Variants in ZNF280C observed in about 807,000 individuals in gnomAD.
ZNF280C encodes zinc finger protein 280C.
In ZNF280C, 14 loss-of-function variants were observed where a neutral mutation model predicts 53.6. That is an observed-to-expected ratio of 0.26 (90% CI 0.17 to 0.41). The LOEUF is 0.41. Ranked by LOEUF, ZNF280C falls within the 10% of genes least tolerant of loss-of-function variation. The pLI is 1.00. For synonymous variants in ZNF280C, 203 were observed against 181.1 expected, an observed-to-expected ratio of 1.12 and a Z score of -0.97; for missense variants, 416 against 547.1, an observed-to-expected ratio of 0.76 and a Z score of 2.39.
chrX:130,242,617 G>A (rs1302298662), intron 5 of ZNF280C, among the ~76,000 whole-genome samples: 1 of 112,003 alleles, frequency 8.9e-6, no homozygotes, highest in East Asian at 2.8e-4. Context: ...TCGGCTCACT[G>A]CAACCTCTGC....
chrX:130,222,642 T>C (rs2032180324), intron 12 of ZNF280C, among the ~76,000 whole-genome samples: 1 of 112,409 alleles, frequency 8.9e-6, no homozygotes. Context: ...TATGCTTGCA[T>C]TGTGCTAATG....
intron 16 of ZNF280C, among the ~76,000 whole-genome samples, chrX:130,206,237 A>G (rs1368001767): frequency 9.0e-6 from 1 of 111,478 alleles, no homozygotes; most frequent in African/African-American, 3.3e-5. Flanking sequence ...TGAAGGTTTT[A>G]AAATCCTGTA....
chrX:130,224,122 G>A (rs2124701855), intron 12 of ZNF280C, among the ~76,000 whole-genome samples: 1 of 111,902 alleles, frequency 8.9e-6, no homozygotes, highest in East Asian at 2.8e-4. Flanking sequence ...CAATGTAATA[G>A]TATTGGGAGG....
intron 2 of ZNF280C, among the ~76,000 whole-genome samples, chrX:130,252,090 G>C (rs981234556): frequency 4.5e-5 from 5 of 112,094 alleles, no homozygotes; most frequent in African/African-American, 1.6e-4. Context: ...CTACAGCCTG[G>C]GTGGCAGAAT....
At chrX:130,227,085 T>G (rs895718250) in intron 11 of ZNF280C, among the ~76,000 whole-genome samples, 180 bp from the exon 12 acceptor site, 1 of 111,788 alleles carries the variant, frequency 8.9e-6, no homozygotes, top group Middle Eastern at 4.6e-3. Flanking sequence ...GAAAGATATC[T>G]TTCAAAGTTT....
At chrX:130,235,596 CATA>C (rs777210747) in intron 8 of ZNF280C, among the ~76,000 whole-genome samples, 3 of 112,177 alleles carry the variant, frequency 2.7e-5, no homozygotes, top group South Asian at 7.3e-4. Context: ...TAAATTGATA[CATA>C]ATGTTTATAA....
At position 130,246,991 on chromosome X, in the gene ZNF280C, C is replaced by T; in HGVS notation, c.46G>A (p.Ala16Thr). ...TCTTCACATTCCATAAAGAGTTCTG[C>T]CATTTTTGAAATGTCTAATTTTCAA... ...PFQPKNISKM[A>T]ELFMECEEEE... The change falls in exon 3 of 19, where the codon GCA (alanine) becomes ACA (threonine). Residue 16 changes from alanine (A) to threonine (T), a missense_variant. Around this residue, in one of 3 missense-constraint regions of ZNF280C, gnomAD observed 193 missense variants for 201.4 expected, o/e 0.96. Transcript: ENST00000370978. The T allele has an allele frequency of 1.4e-5, 17 of 1,198,372 alleles. No homozygotes were observed. The highest frequency in any genetic ancestry group is 1.9e-5 in the Non-Finnish European group (17 of 891,933).
intron 14 of ZNF280C, 123 bp from the exon 15 acceptor site, chrX:130,215,456 T>C: frequency 1.4e-6 from 1 of 706,160 alleles, no homozygotes; most frequent in South Asian, 4.0e-5. Context: ...AGTAGACTCA[T>C]AATTTCAAAA....
At chrX:130,212,219 G>A (rs2032048110) in intron 15 of ZNF280C, among the ~76,000 whole-genome samples, 1 of 111,807 alleles carries the variant, frequency 8.9e-6, no homozygotes, top group South Asian at 3.7e-4. Context: ...GAGCTTAAAG[G>A]GTATTGAAGT....
At chrX:130,230,772 A>T (rs1469689327) in intron 8 of ZNF280C, 45 bp from the exon 9 acceptor site, 22 of 863,260 alleles carry the variant, frequency 2.5e-5, no homozygotes, top group Middle Eastern at 5.7e-4. Flanking sequence ...GCTCTTTTAA[A>T]GATTAGATAC....
At chrX:130,249,473 A>T (rs998554637) in intron 2 of ZNF280C, among the ~76,000 whole-genome samples, 11 of 111,952 alleles carry the variant, frequency 9.8e-5, no homozygotes, top group African/African-American at 3.6e-4. Context: ...GTGAGTTCCT[A>T]ACCTTGAGAA....
chrX:130,260,375 C>T lies in ZNF280C; in HGVS notation c.31+44G>A, dbSNP rs372057186. 1,001 of 1,140,854 alleles carry T rather than the reference C, an allele frequency of 8.8e-4. 1 individual carries two copies. The highest frequency in any genetic ancestry group is 1.1e-3 in the Non-Finnish European group (954 of 848,335). 94.0% of individuals were successfully genotyped at this position (1,140,854 alleles called of 1,213,427 possible). ...CTTTTCTTTTGAAAGGTTTACAGTA[C>T]AAAAACCATGCCTATTAGTATCAAC... On this transcript the variant is annotated intron_variant, in intron 2 of 18. Coordinates refer to ENST00000370978, the MANE Select transcript of ZNF280C (RefSeq NM_017666.5).
chrX:130,225,487 T>C (rs1440760267), intron 12 of ZNF280C, among the ~76,000 whole-genome samples: 1 of 111,486 alleles, frequency 9.0e-6, no homozygotes, highest in Non-Finnish European at 1.9e-5. Flanking sequence ...AAAAGTCTTG[T>C]TGTTAAAAAT....
intron 3 of ZNF280C, among the ~76,000 whole-genome samples, 155 bp downstream of exon 3, chrX:130,246,704 G>A (rs976219969): frequency 1.8e-5 from 2 of 111,611 alleles, no homozygotes; most frequent in African/African-American, 3.3e-5. Context: ...CTACATTCCC[G>A]CTTTGATTCT....
intron 6 of ZNF280C, among the ~76,000 whole-genome samples, chrX:130,238,315 G>A (rs2032354624): frequency 9.0e-6 from 1 of 111,468 alleles, no homozygotes; most frequent in Non-Finnish European, 1.9e-5. Context: ...GATAAAGAGA[G>A]CAAGAATTAA....
At chrX:130,233,096 A>AT (rs2032295003) in intron 8 of ZNF280C, among the ~76,000 whole-genome samples, 1 of 112,002 alleles carries the variant, frequency 8.9e-6, no homozygotes, top group Non-Finnish European at 1.9e-5. Flanking sequence ...AAAATAAGAC[A>AT]GTCACAGACA....
chrX:130,209,272 A>G (rs2032015524), intron 16 of ZNF280C, among the ~76,000 whole-genome samples: 2 of 112,269 alleles, frequency 1.8e-5, no homozygotes, highest in Admixed American at 9.5e-5. Context: ...AACCAATGGT[A>G]ATTATCAATG....
At chrX:130,216,837 A>T (rs192619226) in intron 13 of ZNF280C, among the ~76,000 whole-genome samples, 2,395 of 110,607 alleles carry the variant, frequency 0.022, 72 homozygotes, top group African/African-American at 0.074. Context: ...CATTTCTTTT[A>T]AAAATACAAA....
rs780714880 is a variant in ZNF280C at position 130,259,235 on chromosome X, T to C, written c.31+1184A>G. Among the ~76,000 whole-genome samples, 6 of 112,362 alleles carry C rather than the reference T, an allele frequency of 5.3e-5. No individual in the cohort carries two copies. In the South Asian group the frequency reaches 2.2e-3, roughly 41 times the overall value. ...GAAAAACATATTTTCTTTCTTTGTA[T>C]TTCCTCCTACACACAGTAGTGTATT... On this transcript the variant is annotated intron_variant, in intron 2 of 18. Transcript: ENST00000370978.
Sources: gnomAD v4.1 joint callset for allele counts (sites outside exome capture counted in the v4.1 genomes callset) on GRCh38, gnomAD v4.1.1 for gene constraint, gnomAD v4.1.1 regional missense constraint, MANE v1.5 for transcripts, NCBI Gene and HGNC (gene_info 2026-07-23, HGNC 2026-07-21) for gene names.